The following ADAM2 variants were observed in gnomAD, a reference collection of about 807,000 sequenced individuals.
ADAM2 encodes disintegrin and metalloproteinase domain-containing protein 2.
In ADAM2, 101 loss-of-function variants were observed where a neutral mutation model predicts 99.3. That is an observed-to-expected ratio of 1.02 (90% CI 0.87 to 1.20). ADAM2 has a LOEUF of 1.20. Among genes scored for constraint, ADAM2 ranks in the 50% most tolerant of loss-of-function variants. The pLI is 0.00. For missense variants in ADAM2, 948 were observed against 878.7 expected, an observed-to-expected ratio of 1.08 and a Z score of -1.00; for synonymous variants, 323 against 287.6, an observed-to-expected ratio of 1.12 and a Z score of -1.25.
In ADAM2 at chr8:39,787,003, C is replaced by T; in HGVS notation, c.862G>A (p.Asp288Asn). 6.3e-7 allele frequency: 1 copy of T among 1,592,616 alleles called. No individual in the cohort carries two copies. The highest frequency in any genetic ancestry group is 8.6e-7 in the Non-Finnish European group (1 of 1,169,268). ...ACAACACCTCCTGCATAGTTTGCAT[C>T]ACACATCTTCCCTTGAAAGGTTGCA... is the stretch of plus-strand genomic sequence containing the variant. Reference protein sequence around the residue: ...VGATFQGKMCDANYAGGVVLH... With the variant: ...VGATFQGKMCNANYAGGVVLH... Residue 288 changes from aspartate (D) to asparagine (N), a missense_variant, in exon 10 of 21, where the codon GAT (aspartate) becomes AAT (asparagine). Asp to Asn is a conservative substitution (Grantham distance 23). Transcript: ENST00000265708.
intron 7 of ADAM2, among the ~76,000 whole-genome samples, chr8:39,802,540 G>A (rs1403391326): frequency 7.2e-5 from 11 of 152,064 alleles, no homozygotes; most frequent in Admixed American, 7.2e-4. Context: ...CAATATCTGT[G>A]TGTGACCCTT....
At chr8:39,781,836 G>A (rs765415529) in intron 10 of ADAM2, among the ~76,000 whole-genome samples, 1 of 152,172 alleles carries the variant, frequency 6.6e-6, no homozygotes, top group Non-Finnish European at 1.5e-5. Flanking sequence ...TCGAGGTAGA[G>A]TCATTATGAC....
intron 16 of ADAM2, among the ~76,000 whole-genome samples, chr8:39,755,428 A>C (rs1802108948): frequency 1.3e-5 from 2 of 152,190 alleles, no homozygotes; most frequent in African/African-American, 4.8e-5. Context: ...TAATCCCAGC[A>C]CTTCAGGAGG....
In ADAM2 at chr8:39,838,203, C is replaced by A; in HGVS notation, c.-18G>T. 1 of 1,614,036 alleles carries A rather than the reference C, an allele frequency of 6.2e-7. No homozygotes were observed. The highest frequency in any genetic ancestry group is 8.5e-7 in the Non-Finnish European group (1 of 1,179,978). ...CGCCACATGGCTTGAAGTCCTGGGT[C>A]CCAGCCGGAATAATGGCAGTTGGTG... On this transcript the variant is annotated 5_prime_UTR_variant, in exon 1 of 21. Coordinates refer to ENST00000265708, the MANE Select transcript of ADAM2 (RefSeq NM_001464.5).
chr8:39,837,309 C>T, intron 1 of ADAM2, 97 bp from the exon 2 acceptor site: 5 of 679,384 alleles, frequency 7.4e-6, no homozygotes, highest in East Asian at 3.0e-5. Context: ...CTATTCTATA[C>T]GCTGCTTCTC....
At chr8:39,780,644 T>G (rs1304377724) in intron 10 of ADAM2, among the ~76,000 whole-genome samples, 4 of 152,206 alleles carry the variant, frequency 2.6e-5, no homozygotes, top group Non-Finnish European at 5.9e-5. Flanking sequence ...GTTTGCATTC[T>G]ATTTCAGTAG....
intron 15 of ADAM2, among the ~76,000 whole-genome samples, chr8:39,760,070 T>C (rs1275112597): frequency 1.3e-5 from 2 of 152,064 alleles, no homozygotes; most frequent in East Asian, 1.9e-4. Context: ...ATTCACCAGG[T>C]TGGCCAGGCT....
In ADAM2 at chr8:39,803,094, T is replaced by C. The variant is rs1010712829; in HGVS notation, c.570+6316A>G. Among the ~76,000 whole-genome samples the C allele has an allele frequency of 1.3e-5, 2 of 152,158 alleles. 1 individual carries two copies. The highest frequency in any genetic ancestry group is 2.9e-5 in the Non-Finnish European group (2 of 68,028). ...ACAAGATTGAGAGCAACAGAAAAGA[T>C]CGACCATGGATCCTGAAATTGTGAT... On this transcript the variant is annotated intron_variant, in intron 7 of 20. Coordinates refer to ENST00000265708, the MANE Select transcript of ADAM2 (RefSeq NM_001464.5).
chr8:39,821,517 G>T, intron 5 of ADAM2, 69 bp downstream of exon 5: 1 of 1,222,796 alleles, frequency 8.2e-7, no homozygotes, highest in Non-Finnish European at 1.2e-6. Context: ...TGAATATTAT[G>T]TTAAAATGTT....
At chr8:39,809,515 AT>A in intron 6 of ADAM2, 49 bp from the exon 7 acceptor site, 1 of 856,440 alleles carries the variant, frequency 1.2e-6, no homozygotes, top group Non-Finnish European at 2.0e-6. Context: ...TTACTTAAGT[AT>A]TTTTAGTGCA....
chr8:39,745,745 C>T (rs1312224911), intron 19 of ADAM2, among the ~76,000 whole-genome samples: 2 of 151,854 alleles, frequency 1.3e-5, no homozygotes, highest in African/African-American at 4.8e-5. Context: ...GGTTTTCCTA[C>T]TACCTTTCAT....
At chr8:39,787,988 A>G in intron 9 of ADAM2, 97 bp downstream of exon 9, 1 of 792,684 alleles carries the variant, frequency 1.3e-6, no homozygotes, top group Non-Finnish European at 1.8e-6. Flanking sequence ...AGAAAAAAAT[A>G]GATTTTTTTA....
intron 19 of ADAM2, among the ~76,000 whole-genome samples, chr8:39,745,206 C>T (rs1452207571): frequency 1.3e-5 from 2 of 152,074 alleles, no homozygotes; most frequent in Non-Finnish European, 1.5e-5. Context: ...ATTTTCAACC[C>T]TATTAATTTC....
At chr8:39,745,878 A>C (rs1460247772) in intron 19 of ADAM2, among the ~76,000 whole-genome samples, 1 of 152,164 alleles carries the variant, frequency 6.6e-6, no homozygotes, top group African/African-American at 2.4e-5. Flanking sequence ...TTTAAAGATA[A>C]ACTTTAAACT....
chr8:39,791,556 A>G (rs1167342256), intron 7 of ADAM2, among the ~76,000 whole-genome samples: 1 of 151,976 alleles, frequency 6.6e-6, no homozygotes, highest in Non-Finnish European at 1.5e-5. Flanking sequence ...GCTCCTTTAG[A>G]CTTCTCTGCC....
chr8:39,800,665 T>C (rs1473693226), intron 7 of ADAM2, among the ~76,000 whole-genome samples: 1 of 152,202 alleles, frequency 6.6e-6, no homozygotes, highest in Admixed American at 6.5e-5. Flanking sequence ...GATACTCCAA[T>C]CAATCTTAGG....
chr8:39,833,216 T>C (rs954881965), intron 3 of ADAM2, among the ~76,000 whole-genome samples: 3 of 152,134 alleles, frequency 2.0e-5, no homozygotes, highest in African/African-American at 4.8e-5. Context: ...TTTTTTAATG[T>C]TATTTCTTCA....
rs1805723782 is a variant in ADAM2 at position 39,834,094 on chromosome 8, A to G, written c.133-95T>C. The G allele has an allele frequency of 2.1e-5, 14 of 651,654 alleles. No homozygotes were observed. In the South Asian group the frequency reaches 2.7e-4, roughly 13 times the overall value. 40.4% of individuals were successfully genotyped at this position (651,654 alleles called of 1,614,324 possible). ...ACATTAATGATAATTGCATTCTAAA[A>G]CACATTCATTTAATAAAAGGAGAAA... On this transcript the variant is annotated intron_variant, in intron 2 of 20. Transcript: ENST00000265708.
chr8:39,793,449 A>T (rs1803802493), intron 7 of ADAM2, among the ~76,000 whole-genome samples: 1 of 152,168 alleles, frequency 6.6e-6, no homozygotes, highest in African/African-American at 2.4e-5. Context: ...GGTGTTAAGC[A>T]AGTCTGCCCT....
Sources: allele counts gnomAD v4.1 joint callset (sites outside exome capture counted in the v4.1 genomes callset), GRCh38; gene constraint gnomAD v4.1.1; transcripts MANE v1.5; gene names NCBI Gene and HGNC (gene_info 2026-07-23, HGNC 2026-07-21).